KCNH1: variants seen among roughly 807,000 people sequenced by gnomAD.
KCNH1 encodes the protein voltage-gated delayed rectifier potassium channel KCNH1.
In KCNH1, 27 loss-of-function variants were observed where a neutral mutation model predicts 69.2. That is an observed-to-expected ratio of 0.39 (90% CI 0.29 to 0.54). The LOEUF is 0.54. KCNH1 is among the 20% of genes least tolerant of loss of function. The pLI is 0.68. For missense variants in KCNH1, 798 were observed against 1,261.6 expected (o/e 0.63, Z 5.57); for synonymous variants, 456 against 487.7 (o/e 0.93, Z 0.86).
In KCNH1 at chr1:211,102,657, C is replaced by T. The variant is rs115601416; in HGVS notation, c.310+839G>A. The stretch of plus-strand genomic sequence containing the variant: ...CCCAGCCCCTCCCAGATAAAAACAA[C>T]GCATGCCCTTTACTTTCCAGGGCAA... On this transcript the variant is annotated intron_variant, in intron 3 of 10. Coordinates refer to ENST00000271751, the MANE Select transcript of KCNH1 (RefSeq NM_172362.3). Among the ~76,000 whole-genome samples the T allele has an allele frequency of 3.3e-3, 502 of 152,298 alleles. 7 individuals carry two copies. The highest frequency in any genetic ancestry group is 0.012 in the African/African-American group (480 of 41,572).
At chr1:210,975,279 C>A (rs149630566) in intron 6 of KCNH1, among the ~76,000 whole-genome samples, 1 of 152,174 alleles carries the variant, frequency 6.6e-6, no homozygotes, top group Non-Finnish European at 1.5e-5. Context: ...AAAAAACCAG[C>A]TCCTGGATTC....
chr1:210,846,667 C>T (rs368542368), intron 7 of KCNH1, among the ~76,000 whole-genome samples: 53 of 152,078 alleles, frequency 3.5e-4, no homozygotes, highest in African/African-American at 8.7e-4. Context: ...GACATAGGCA[C>T]GGGCAAGGAC....
At chr1:210,745,675 T>C (rs954661309) in intron 10 of KCNH1, among the ~76,000 whole-genome samples, 6 of 152,146 alleles carry the variant, frequency 3.9e-5, no homozygotes, top group Non-Finnish European at 8.8e-5. Context: ...CCAAAGTTGG[T>C]CAGATAAACC....
rs565402274 is a variant in KCNH1 at position 210,945,980 on chromosome 1, A to G, written c.1033-25911T>C. Among the ~76,000 whole-genome samples, 25 of 152,276 alleles carry G rather than the reference A, an allele frequency of 1.6e-4. 1 individual carries two copies. The East Asian group carries it at 4.8e-3, about 29-fold the overall frequency. ...ATGCCTCACACACTAGAATGTACAC[A>G]CTGTCTTGGCAGGAACTACTGTGTC... On this transcript the variant is annotated intron_variant, in intron 6 of 10. Coordinates refer to ENST00000271751, the MANE Select transcript of KCNH1 (RefSeq NM_172362.3).
At chr1:210,992,562 C>G (rs940759504) in intron 6 of KCNH1, among the ~76,000 whole-genome samples, 1 of 152,116 alleles carries the variant, frequency 6.6e-6, no homozygotes, top group South Asian at 2.1e-4. Flanking sequence ...TTCATCAGTT[C>G]TAGTGGCTGC....
intron 7 of KCNH1, among the ~76,000 whole-genome samples, chr1:210,886,699 A>G (rs1258427816): frequency 6.6e-6 from 1 of 152,064 alleles, no homozygotes; most frequent in Non-Finnish European, 1.5e-5. Context: ...AGAGAAAAAT[A>G]TAAATGACCT....
At chr1:210,859,595 C>T (rs1235371209) in intron 7 of KCNH1, 10 of 1,491,510 alleles carry the variant, frequency 6.7e-6, no homozygotes, top group Non-Finnish European at 8.4e-6. Flanking sequence ...CCCAGTTCCT[C>T]GGTTTCATCA....
chr1:210,842,397 C>A (rs1250600843), intron 7 of KCNH1, among the ~76,000 whole-genome samples: 1 of 152,068 alleles, frequency 6.6e-6, no homozygotes, highest in East Asian at 1.9e-4. Flanking sequence ...AGACAGGGAA[C>A]ACAGATGGTG....
intron 5 of KCNH1, among the ~76,000 whole-genome samples, chr1:211,038,614 C>T (rs1330130006): frequency 6.6e-6 from 1 of 152,098 alleles, no homozygotes; most frequent in Non-Finnish European, 1.5e-5. Flanking sequence ...CAATAAGATC[C>T]AGACTGAGGT....
chr1:210,889,811 A>G (rs1251869094), intron 7 of KCNH1, among the ~76,000 whole-genome samples: 1 of 152,212 alleles, frequency 6.6e-6, no homozygotes, highest in African/African-American at 2.4e-5. Flanking sequence ...AAAGAGAATA[A>G]AATACCTAGG....
rs778701786 is a variant in KCNH1 at position 210,716,160 on chromosome 1, G to A, written c.2113-32022C>T. 2.0e-4 allele frequency among the ~76,000 whole-genome samples: 31 copies of A among 152,166 alleles called. 1 individual carries two copies. The highest frequency in any genetic ancestry group is 3.4e-3 in the Middle Eastern group (1 of 294). On this transcript the variant is annotated intron_variant, in intron 10 of 10. Transcript: ENST00000271751. Reference sequence around the variant, plus strand: ...AGAAAGCATGTTGCACAGGCTGGGCGTGGCGGCTCATTCCTGTAATCCCAG... The same window carrying A: ...AGAAAGCATGTTGCACAGGCTGGGCATGGCGGCTCATTCCTGTAATCCCAG...
At chr1:210,807,047 C>A (rs930517760) in intron 7 of KCNH1, among the ~76,000 whole-genome samples, 1 of 148,310 alleles carries the variant, frequency 6.7e-6, no homozygotes, top group Non-Finnish European at 1.5e-5. Context: ...CAAGATGGTA[C>A]AGAAAAATTC....
chr1:210,859,750 T>A, intron 7 of KCNH1: 2 of 1,068,764 alleles, frequency 1.9e-6, no homozygotes, highest in Non-Finnish European at 2.9e-6. Context: ...CTGTTCCATA[T>A]CAATAAGAGC....
At chr1:210,958,559 A>G (rs1268431365) in intron 6 of KCNH1, among the ~76,000 whole-genome samples, 2 of 152,094 alleles carry the variant, frequency 1.3e-5, no homozygotes, top group Admixed American at 6.5e-5. Flanking sequence ...TCAAACGTAG[A>G]TTTGGTCTTT....
intron 7 of KCNH1, among the ~76,000 whole-genome samples, chr1:210,883,408 A>T (rs1686538360): frequency 6.6e-6 from 1 of 152,200 alleles, no homozygotes; most frequent in Admixed American, 6.5e-5. Context: ...CTCTATGAAC[A>T]CATTCTTGGC....
At chr1:210,981,370 G>GAAAAAAAAAAA (rs1171735559) in intron 6 of KCNH1, among the ~76,000 whole-genome samples, 1 of 8,378 alleles carries the variant, frequency 1.2e-4, no homozygotes, top group African/African-American at 2.8e-4. Flanking sequence ...AAGTAACAAC[G>GAAAAAAAAAAA]ACAAAAAAAA....
At chr1:210,727,537 G>A (rs1682629781) in intron 10 of KCNH1, among the ~76,000 whole-genome samples, 1 of 152,124 alleles carries the variant, frequency 6.6e-6, no homozygotes, top group Admixed American at 6.6e-5. Context: ...GAAATAGTGG[G>A]TAGGGTGTGT....
At chr1:211,096,262 C>T (rs932164123) in intron 3 of KCNH1, among the ~76,000 whole-genome samples, 3 of 152,042 alleles carry the variant, frequency 2.0e-5, no homozygotes, top group Non-Finnish European at 2.9e-5. Flanking sequence ...TGGGGTTTTG[C>T]CATGTTGGCC....
In KCNH1 at chr1:210,678,839, T is replaced by A. The variant is rs17260634; in HGVS notation, c.*4442A>T. 6.6e-6 allele frequency: 1 copy of A among 152,272 alleles called. No homozygotes were observed. The highest frequency in any genetic ancestry group is 1.9e-4 in the East Asian group (1 of 5,178). The allele number at this position is 152,272 out of a possible 1,614,324, so 9.4% of individuals were successfully genotyped here. A position where few individuals can be genotyped will look rare whatever the true frequency, so the allele number is the denominator to read the frequency against. On this transcript the variant is annotated 3_prime_UTR_variant, in exon 11 of 11. Transcript: ENST00000271751. ...TCTCATTGAACAACTAATGGATCCGTCGGATGACTCAGAAGTCACAGATAA... is the reference window on the plus strand; with the variant it reads ...TCTCATTGAACAACTAATGGATCCGACGGATGACTCAGAAGTCACAGATAA...
Sources: gnomAD v4.1 joint callset for allele counts (sites outside exome capture counted in the v4.1 genomes callset) on GRCh38, gnomAD v4.1.1 for gene constraint, MANE v1.5 for transcripts, NCBI Gene and HGNC (gene_info 2026-07-23, HGNC 2026-07-21) for gene names.